The following ATRNL1 variants were observed in gnomAD, a reference collection of about 807,000 sequenced individuals.
ATRNL1 encodes attractin-like protein 1.
A neutral mutation model predicts 182.7 loss-of-function variants in ATRNL1; 95 were observed. The observed-to-expected ratio is 0.52, with a 90% CI of 0.44 to 0.62. The LOEUF is 0.62. Ranked by LOEUF, ATRNL1 falls within the 20% of genes least tolerant of loss-of-function variation. The probability of loss-of-function intolerance (pLI) is 0.00; values close to 1 mark genes in which losing one functional copy is unlikely to be tolerated. For synonymous variants in ATRNL1, 576 were observed against 568.3 expected (o/e 1.01, Z -0.19); for missense variants, 1,471 against 1,679.5 (o/e 0.88, Z 2.17).
At chr10:115,328,104 T>TA (rs368083757) in intron 18 of ATRNL1, among the ~76,000 whole-genome samples, 69 of 151,452 alleles carry the variant, frequency 4.6e-4, no homozygotes, top group African/African-American at 1.5e-3. Context: ...AAAAATAATT[T>TA]AAAAAAAAGA....
intron 9 of ATRNL1, among the ~76,000 whole-genome samples, chr10:115,232,759 A>G (rs745724087): frequency 1.3e-5 from 2 of 152,092 alleles, no homozygotes; most frequent in African/African-American, 2.4e-5. Flanking sequence ...TATTTATTGA[A>G]AAGTCCATTC....
intron 27 of ATRNL1, among the ~76,000 whole-genome samples, chr10:115,736,301 C>A (rs2134084179): frequency 6.6e-6 from 1 of 152,070 alleles, no homozygotes; most frequent in Non-Finnish European, 1.5e-5. Flanking sequence ...TGTTTTTGAC[C>A]TGCTTTCTAC....
chr10:115,591,367 C>T (rs1855892540), intron 26 of ATRNL1, among the ~76,000 whole-genome samples: 1 of 152,066 alleles, frequency 6.6e-6, no homozygotes, highest in Admixed American at 6.6e-5. Flanking sequence ...GGGTAATTGG[C>T]ACATGTGGCC....
intron 1 of ATRNL1, among the ~76,000 whole-genome samples, chr10:115,097,603 G>A (rs1274761615): frequency 1.3e-5 from 2 of 152,130 alleles, no homozygotes; most frequent in Non-Finnish European, 2.9e-5. Flanking sequence ...AGAATAAAGT[G>A]TGTAAACTCT....
At chr10:115,500,123 T>TTCCTGGATA (rs1565107034) in intron 24 of ATRNL1, among the ~76,000 whole-genome samples, 56 of 152,280 alleles carry the variant, frequency 3.7e-4, no homozygotes, top group African/African-American at 1.1e-3. Flanking sequence ...ATAATTGACG[T>TTCCTGGATA]AGGCCACAGT....
chr10:115,579,315 T>A (rs1205865009), intron 26 of ATRNL1, among the ~76,000 whole-genome samples: 7 of 149,598 alleles, frequency 4.7e-5, no homozygotes, highest in African/African-American at 1.7e-4. Flanking sequence ...ATTATTGCTG[T>A]CTATTTCTCT....
intron 26 of ATRNL1, among the ~76,000 whole-genome samples, chr10:115,594,989 T>G (rs1555013512): frequency 6.6e-6 from 1 of 152,164 alleles, no homozygotes; most frequent in East Asian, 1.9e-4. Flanking sequence ...TACAGAACAG[T>G]AAACAAATCA....
chr10:115,324,763 A>G (rs1326881587), intron 18 of ATRNL1, among the ~76,000 whole-genome samples: 1 of 152,164 alleles, frequency 6.6e-6, no homozygotes, highest in Non-Finnish European at 1.5e-5. Context: ...AACATGGTTC[A>G]GTTTAGCTTG....
chr10:115,592,961 A>G (rs575341493), intron 26 of ATRNL1, among the ~76,000 whole-genome samples: 46 of 152,140 alleles, frequency 3.0e-4, no homozygotes, highest in African/African-American at 1.1e-3. Context: ...CTATCTATCT[A>G]TCTAGCTTAG....
intron 21 of ATRNL1, among the ~76,000 whole-genome samples, chr10:115,439,439 G>A (rs1592659524): frequency 6.6e-6 from 1 of 151,728 alleles, no homozygotes; most frequent in Non-Finnish European, 1.5e-5. Flanking sequence ...TGGAAATACT[G>A]CATGTTCATT....
intron 20 of ATRNL1, among the ~76,000 whole-genome samples, chr10:115,396,346 C>T (rs1385899539): frequency 6.6e-6 from 1 of 151,882 alleles, no homozygotes; most frequent in Non-Finnish European, 1.5e-5. Flanking sequence ...AACACTAAAG[C>T]TTGATTATAA....
intron 24 of ATRNL1, among the ~76,000 whole-genome samples, chr10:115,492,028 G>A (rs1182761859): frequency 6.6e-6 from 1 of 152,104 alleles, no homozygotes; most frequent in Non-Finnish European, 1.5e-5. Context: ...CCCAGGTAAG[G>A]CGATGCCCTA....
At chr10:115,802,146 GACT>G (rs1949813405) in intron 27 of ATRNL1, among the ~76,000 whole-genome samples, 1 of 151,744 alleles carries the variant, frequency 6.6e-6, no homozygotes. Context: ...TCCTCCCAGA[GACT>G]ACTAAGGCCA....
At chr10:115,637,041 G>A (rs1257322256) in intron 26 of ATRNL1, among the ~76,000 whole-genome samples, 1 of 152,184 alleles carries the variant, frequency 6.6e-6, no homozygotes, top group Non-Finnish European at 1.5e-5. Flanking sequence ...AGAAGCTGTT[G>A]CAGACCTCAA....
chr10:115,860,581 A>G (rs1951292726), intron 28 of ATRNL1, among the ~76,000 whole-genome samples: 1 of 152,212 alleles, frequency 6.6e-6, no homozygotes, highest in African/African-American at 2.4e-5. Context: ...TTTATGCATA[A>G]TATTATACAA....
At chr10:115,876,385 AC>A (rs782484055) in intron 28 of ATRNL1, among the ~76,000 whole-genome samples, 3 of 152,168 alleles carry the variant, frequency 2.0e-5, no homozygotes, top group Non-Finnish European at 4.4e-5. Context: ...CCTTCATGTC[AC>A]CAAGTCTTTT....
intron 10 of ATRNL1, among the ~76,000 whole-genome samples, chr10:115,247,481 C>T (rs189427417): frequency 1.4e-4 from 22 of 152,252 alleles, no homozygotes; most frequent in African/African-American, 5.1e-4. Flanking sequence ...AATGAAGTAT[C>T]ATCTCACGCC....
At chr10:115,674,303 G>A (rs74158245) in intron 26 of ATRNL1, among the ~76,000 whole-genome samples, 1,805 of 152,030 alleles carry the variant, frequency 0.012, 34 homozygotes, top group African/African-American at 0.041. Flanking sequence ...TTCTGATGTC[G>A]GAGCTTTAGA....
chr10:115,834,724 C>T (rs1950630913), intron 27 of ATRNL1, among the ~76,000 whole-genome samples: 1 of 152,090 alleles, frequency 6.6e-6, no homozygotes, highest in Non-Finnish European at 1.5e-5. Flanking sequence ...AGTGATGTCA[C>T]CTCACACCTT....
Sources: gnomAD v4.1 joint callset for allele counts (sites outside exome capture counted in the v4.1 genomes callset) on GRCh38, gnomAD v4.1.1 for gene constraint, MANE v1.5 for transcripts, NCBI Gene and HGNC (gene_info 2026-07-23, HGNC 2026-07-21) for gene names.